The following PIGN variants were observed in gnomAD, a reference collection of about 807,000 sequenced individuals.
PIGN encodes the protein phosphatidylinositol glycan anchor biosynthesis class N, also known as GPI ethanolamine phosphate transferase 1.
A neutral mutation model predicts 125.4 loss-of-function variants in PIGN; 117 were observed. The observed-to-expected ratio is 0.93, with a 90% CI of 0.80 to 1.09. The LOEUF is 1.09. Ranked by LOEUF, PIGN falls within the 50% of genes least tolerant of loss-of-function variation. The pLI, the probability that PIGN is intolerant of heterozygous loss-of-function variation, is 0.00. For missense variants in PIGN, 1,075 were observed against 1,094.9 expected (o/e 0.98, Z 0.26); for synonymous variants, 392 against 377.8 (o/e 1.04, Z -0.44).
In PIGN at chr18:62,068,114, G is replaced by GTTTGT. The variant is rs533850769; in HGVS notation, c.2672+4558_2672+4559insACAAA. Among the ~76,000 whole-genome samples the GTTTGT allele has an allele frequency of 4.9e-4, 74 of 152,158 alleles. 1 individual carries two copies. In the East Asian group the frequency reaches 0.014, roughly 29 times the overall value. ...CTCCCAGGTCTTTGTTTGTTTGTTT[G>GTTTGT]TTTTTTTGTCTCTTTAGAGGTGTCT... On this transcript the variant is annotated intron_variant, in intron 30 of 30. Coordinates refer to ENST00000640252, the MANE Select transcript of PIGN (RefSeq NM_176787.5).
chr18:62,142,011 GC>G (rs1217543579), intron 11 of PIGN, among the ~76,000 whole-genome samples: 18 of 152,296 alleles, frequency 1.2e-4, no homozygotes, highest in African/African-American at 4.3e-4. Context: ...TTCTCAGGAA[GC>G]CTTTGCTGAC....
intron 11 of PIGN, among the ~76,000 whole-genome samples, chr18:62,141,229 C>A (rs1458569717): frequency 2.0e-5 from 3 of 152,128 alleles, no homozygotes; most frequent in African/African-American, 7.2e-5. Flanking sequence ...GGTTTTTTAA[C>A]CCTCCAGTTG....
chr18:62,173,933 C>T (rs534256678), intron 1 of PIGN, among the ~76,000 whole-genome samples: 3 of 152,050 alleles, frequency 2.0e-5, no homozygotes, highest in Non-Finnish European at 4.4e-5. Context: ...GATCATTTCT[C>T]GGCCGGGTGC....
At chr18:62,116,255 A>G (rs1337010401) in intron 14 of PIGN, among the ~76,000 whole-genome samples, 1 of 152,196 alleles carries the variant, frequency 6.6e-6, no homozygotes, top group Non-Finnish European at 1.5e-5. Context: ...TTGGAAGGCT[A>G]TATCTAAGTT....
chr18:62,049,076 C>T (rs1247235483), intron 30 of PIGN, among the ~76,000 whole-genome samples: 1 of 151,764 alleles, frequency 6.6e-6, no homozygotes, highest in South Asian at 2.1e-4. Flanking sequence ...TATATATGTG[C>T]CACATTTTCT....
rs1202862981 is a variant in PIGN, at chr18:62,041,213, G to C, written c.*4643C>G. 6.6e-6 allele frequency: 1 copy of C among 152,092 alleles called. No individual in the cohort carries two copies. The highest frequency in any genetic ancestry group is 1.9e-4 in the East Asian group (1 of 5,188). The allele number at this position is 152,092 out of a possible 1,614,324, so 9.4% of individuals were successfully genotyped here. The stretch of plus-strand genomic sequence containing the variant: ...TTCAGGTAAAAGATATAAAACATAA[G>C]GTATGAAGGCTTAGTCTATACTCTA... On this transcript the variant is annotated 3_prime_UTR_variant, in exon 31 of 31. Coordinates refer to ENST00000640252, the MANE Select transcript of PIGN (RefSeq NM_176787.5).
At chr18:62,084,841 C>T (rs1410869100) in intron 26 of PIGN, among the ~76,000 whole-genome samples, 1 of 152,220 alleles carries the variant, frequency 6.6e-6, no homozygotes, top group East Asian at 1.9e-4. Context: ...GGTGCCGTGG[C>T]TCACGCCTGT....
chr18:62,098,558 G>A (rs1175725420), intron 22 of PIGN, among the ~76,000 whole-genome samples: 1 of 152,144 alleles, frequency 6.6e-6, no homozygotes, highest in African/African-American at 2.4e-5. Flanking sequence ...GGAAATAAGA[G>A]TCTCTATTCT....
intron 28 of PIGN, among the ~76,000 whole-genome samples, chr18:62,080,593 T>C (rs1313982324): frequency 1.3e-5 from 2 of 152,186 alleles, no homozygotes; most frequent in Non-Finnish European, 2.9e-5. Flanking sequence ...CTTGCCTTTT[T>C]CCTCATTAGT....
chr18:62,020,834 G>T (rs1325213145), intron 23 of PIGN, among the ~76,000 whole-genome samples: 1 of 151,570 alleles, frequency 6.6e-6, no homozygotes, highest in African/African-American at 2.4e-5. Context: ...GGTAGCAGGC[G>T]CCTGTAGTCC....
chr18:62,126,367 T>C (rs943367466), intron 14 of PIGN, among the ~76,000 whole-genome samples: 1 of 152,104 alleles, frequency 6.6e-6, no homozygotes, highest in Non-Finnish European at 1.5e-5. Context: ...GTTTATGTCA[T>C]TTTTCTAAAA....
At chr18:62,076,495 A>G (rs76723181) in intron 28 of PIGN, among the ~76,000 whole-genome samples, 1 of 152,076 alleles carries the variant, frequency 6.6e-6, no homozygotes, top group African/African-American at 2.4e-5. Context: ...AAAAACTTTT[A>G]ATTCTGAAGA....
intron 1 of PIGN, among the ~76,000 whole-genome samples, chr18:62,179,560 G>A (rs1441268962): frequency 2.0e-5 from 3 of 152,052 alleles, no homozygotes; most frequent in African/African-American, 7.2e-5. Context: ...CCTGGGCAAT[G>A]TGGTGAAACC....
At chr18:62,055,342 G>T (rs889647958) in intron 30 of PIGN, among the ~76,000 whole-genome samples, 2 of 152,028 alleles carry the variant, frequency 1.3e-5, no homozygotes, top group African/African-American at 4.8e-5. Context: ...ACTGAAATAC[G>T]CAACAATGAA....
At chr18:62,160,557 C>T (rs2036913259) in intron 4 of PIGN, among the ~76,000 whole-genome samples, 1 of 149,846 alleles carries the variant, frequency 6.7e-6, no homozygotes, top group South Asian at 2.1e-4. Context: ...GCTCTTGTTG[C>T]CCAAGCTGGA....
intron 21 of PIGN, among the ~76,000 whole-genome samples, chr18:62,101,984 T>G (rs1178963254): frequency 6.6e-6 from 1 of 152,016 alleles, no homozygotes; most frequent in African/African-American, 2.4e-5. Context: ...TCCCAGGACT[T>G]TGGGAGGCCG....
intron 14 of PIGN, among the ~76,000 whole-genome samples, chr18:62,128,368 G>C (rs1380978588): frequency 6.6e-6 from 1 of 152,188 alleles, no homozygotes; most frequent in African/African-American, 2.4e-5. Flanking sequence ...ATGGCTGGAA[G>C]CCAGCCAGGA....
In PIGN at chr18:62,043,080, G is replaced by A. The variant is rs560812392; in HGVS notation, c.*2776C>T. The A allele has an allele frequency of 2.0e-5, 3 of 152,256 alleles. No individual in the cohort carries two copies. The highest frequency in any genetic ancestry group is 2.1e-4 in the South Asian group (1 of 4,820). 9.4% of individuals were successfully genotyped at this position (152,256 alleles called of 1,614,324 possible). A position where few individuals can be genotyped will look rare whatever the true frequency, so the allele number is the denominator to read the frequency against. On this transcript the variant is annotated 3_prime_UTR_variant, in exon 31 of 31. Transcript: ENST00000640252. ...TGTCAACATAAAAAAGAACAACTAC[G>A]AAAAGGTGAGAAATGATCAAGTTAT...
chr18:62,136,689 G>C (rs1374164121), intron 14 of PIGN: 1 of 161,822 alleles, frequency 6.2e-6, no homozygotes. Context: ...AACAGAAGTT[G>C]TCAAAAATAA....
Sources: allele counts gnomAD v4.1 joint callset (sites outside exome capture counted in the v4.1 genomes callset), GRCh38; gene constraint gnomAD v4.1.1; transcripts MANE v1.5; gene names NCBI Gene and HGNC (gene_info 2026-07-23, HGNC 2026-07-21).